Variants in POU3F3 observed in about 807,000 individuals in gnomAD.
The protein encoded by POU3F3 is POU domain, class 3, transcription factor 3.
A neutral mutation model predicts 8.6 loss-of-function variants in POU3F3; 1 was observed. The ratio of observed to expected loss-of-function variants is 0.12; its 90% CI spans 0.04 to 0.55. The LOEUF is 0.55. POU3F3 is among the 20% of genes least tolerant of loss of function. The pLI, the probability that POU3F3 is intolerant of heterozygous loss-of-function variation, is 0.91. For missense variants in POU3F3, 577 were observed against 690.7 expected (o/e 0.84, Z 1.84); for synonymous variants, 418 against 327.4 (o/e 1.28, Z -2.99).
At chr2:104,879,472 AT>A in the POU3F3 span, among the ~76,000 whole-genome samples, 4 of 151,228 alleles carry the variant, frequency 2.6e-5, no homozygotes, top group East Asian at 5.8e-4. Context: ...ATTTCTCCTT[AT>A]TTTTTTCCCA....
chr2:104,879,226 A>G, the POU3F3 span, among the ~76,000 whole-genome samples: 1 of 151,804 alleles, frequency 6.6e-6, no homozygotes, highest in East Asian at 1.9e-4. Context: ...ATGGAGAGAG[A>G]GAGAGAGAGA....
chr2:104,906,966 G>A, the POU3F3 span, among the ~76,000 whole-genome samples: 17 of 152,094 alleles, frequency 1.1e-4, no homozygotes, highest in African/African-American at 2.2e-4. Context: ...CTATTTCTGC[G>A]TATCTGTCGG....
the POU3F3 span, among the ~76,000 whole-genome samples, chr2:104,927,769 A>AT: frequency 7.0e-6 from 1 of 142,480 alleles, no homozygotes; most frequent in Non-Finnish European, 1.5e-5. Flanking sequence ...AAAAAAAAAA[A>AT]AAAATGTCGA....
At chr2:104,915,721 A>G in the POU3F3 span, among the ~76,000 whole-genome samples, 8 of 151,738 alleles carry the variant, frequency 5.3e-5, no homozygotes, top group East Asian at 1.9e-4. Context: ...TCTTTCACCA[A>G]TGAGAGGTTG....
At chr2:104,889,472 G>T in the POU3F3 span, among the ~76,000 whole-genome samples, 3 of 152,172 alleles carry the variant, frequency 2.0e-5, no homozygotes, top group Admixed American at 6.5e-5. Flanking sequence ...GTGCAGGTCG[G>T]TTGCAGGTTC....
At chr2:104,922,668 A>C in the POU3F3 span, among the ~76,000 whole-genome samples, 1 of 152,196 alleles carries the variant, frequency 6.6e-6, no homozygotes, top group East Asian at 1.9e-4. Context: ...GGACACTACC[A>C]AGTGGGCCAA....
At position 104,855,718 on chromosome 2, in the gene POU3F3, G is replaced by A. The variant is rs763007366; in HGVS notation, c.208G>A (p.Val70Ile). Residue 70 changes from valine to isoleucine, a missense_variant, in exon 1 of 1, where the codon GTC becomes ATC. Physicochemically the swap from Val to Ile is conservative, Grantham distance 29. This residue lies in a region of POU3F3 where 484 missense variants were observed against 422.6 expected (regional missense o/e 1.15). Coordinates refer to ENST00000361360, the MANE Select transcript of POU3F3 (RefSeq NM_006236.3). ...SGAYRGDPSS[V>I]KMVQSDFMQG... ...CGCCTACCGGGGGGACCCGTCCTCTGTCAAGATGGTCCAGAGCGACTTCAT... is the reference window on the plus strand; with the variant it reads ...CGCCTACCGGGGGGACCCGTCCTCTATCAAGATGGTCCAGAGCGACTTCAT... 1.6e-6 allele frequency: 2 copies of A among 1,266,040 alleles called. No individual in the cohort carries two copies. The highest frequency in any genetic ancestry group is 1.4e-5 in the South Asian group (1 of 70,614). The allele number at this position is 1,266,040 out of a possible 1,614,324, so 78.4% of individuals were successfully genotyped here. A position where few individuals can be genotyped will look rare whatever the true frequency, so the allele number is the denominator to read the frequency against.
the POU3F3 span, among the ~76,000 whole-genome samples, chr2:104,921,001 T>C: frequency 2.0e-5 from 3 of 152,140 alleles, no homozygotes; most frequent in Admixed American, 1.3e-4. Flanking sequence ...TTATTCAAAC[T>C]TACATCCATC....
chr2:104,924,611 G>A, the POU3F3 span, among the ~76,000 whole-genome samples: 72 of 152,228 alleles, frequency 4.7e-4, no homozygotes, highest in African/African-American at 1.6e-3. Context: ...AATAATTGTC[G>A]ATCCTTCTCC....
chr2:104,867,294 T>C, the POU3F3 span: 1 of 152,298 alleles, frequency 6.6e-6, no homozygotes, highest in African/African-American at 2.4e-5. This position sits in a 1 kb window ranked among gnomAD's most constrained non-coding sequence, Gnocchi z 5.0. Context: ...GCAGATCCCC[T>C]GCGCCGGGCC....
At chr2:104,914,630 T>C in the POU3F3 span, among the ~76,000 whole-genome samples, 4 of 152,186 alleles carry the variant, frequency 2.6e-5, no homozygotes, top group African/African-American at 7.2e-5. Context: ...GGTGTGGGTA[T>C]ATCTGGTGTG....
chr2:104,921,447 A>G, the POU3F3 span, among the ~76,000 whole-genome samples: 1 of 152,134 alleles, frequency 6.6e-6, no homozygotes, highest in Admixed American at 6.5e-5. Context: ...GAAAGCTTGG[A>G]CAGTAAATTA....
At chr2:104,895,376 C>A in the POU3F3 span, among the ~76,000 whole-genome samples, 1 of 152,168 alleles carries the variant, frequency 6.6e-6, no homozygotes, top group Non-Finnish European at 1.5e-5. Context: ...ATTTACAGGA[C>A]TTTGCTTTCT....
chr2:104,901,642 C>T, the POU3F3 span, among the ~76,000 whole-genome samples: 1 of 152,226 alleles, frequency 6.6e-6, no homozygotes, highest in Admixed American at 6.5e-5. Context: ...TCACATAACA[C>T]TCGCAGGTCT....
At chr2:104,927,180 G>C in the POU3F3 span, among the ~76,000 whole-genome samples, 2 of 152,092 alleles carry the variant, frequency 1.3e-5, no homozygotes, top group African/African-American at 4.8e-5. Context: ...TCTTTTATAA[G>C]GGCACTAATC....
At chr2:104,918,948 C>T in the POU3F3 span, among the ~76,000 whole-genome samples, 15 of 151,680 alleles carry the variant, frequency 9.9e-5, no homozygotes, top group Non-Finnish European at 2.1e-4. Context: ...CTCAGCTCAC[C>T]CCAACCTCCG....
the POU3F3 span, chr2:104,872,713 C>T: frequency 6.2e-5 from 13 of 211,206 alleles, no homozygotes; most frequent in Middle Eastern, 3.8e-3. This position sits in a 1 kb window ranked among gnomAD's most constrained non-coding sequence, Gnocchi z 4.6. Context: ...GGAGAACCTA[C>T]CGCGCGGGAA....
At chr2:104,867,056 C>T in the POU3F3 span, 4 of 152,188 alleles carry the variant, frequency 2.6e-5, no homozygotes, top group Non-Finnish European at 4.4e-5. The surrounding 1 kb of genome is among the most constrained non-coding windows in gnomAD (Gnocchi z 5.0). Flanking sequence ...CTGTGCCCAC[C>T]GCAGTCGCCC....
the POU3F3 span, among the ~76,000 whole-genome samples, chr2:104,879,134 G>A: frequency 6.9e-3 from 1,045 of 151,780 alleles, 15 homozygotes; most frequent in African/African-American, 0.024. Context: ...CAGTACACAC[G>A]TAATCTTCAG....
Sources: gnomAD v4.1 joint callset for allele counts (sites outside exome capture counted in the v4.1 genomes callset) on GRCh38, gnomAD v4.1.1 for gene constraint, gnomAD v4.1.1 regional missense constraint, Gnocchi (gnomAD v3.1) non-coding constraint, MANE v1.5 for transcripts, NCBI Gene and HGNC (gene_info 2026-07-23, HGNC 2026-07-21) for gene names.